The following KIF16B variants were observed in gnomAD, a reference collection of about 807,000 sequenced individuals.
KIF16B encodes the protein kinesin family member 16B, also known as kinesin-like protein KIF16B.
In KIF16B, 98 loss-of-function variants were observed where a neutral mutation model predicts 156.3. The observed-to-expected ratio is 0.63, with a 90% CI of 0.53 to 0.74. The LOEUF is 0.74. KIF16B is among the 30% of genes least tolerant of loss of function. The probability of loss-of-function intolerance (pLI) is 0.00; values close to 1 mark genes in which losing one functional copy is unlikely to be tolerated. For missense variants in KIF16B, 1,421 were observed against 1,606.5 expected (o/e 0.88, Z 1.97); for synonymous variants, 564 against 583.7 (o/e 0.97, Z 0.49).
At chr20:16,295,336 G>A (rs1168527340) in intron 25 of KIF16B, among the ~76,000 whole-genome samples, 1 of 151,944 alleles carries the variant, frequency 6.6e-6, no homozygotes, top group Non-Finnish European at 1.5e-5. Context: ...TTACAACAGT[G>A]AATTAATATT....
intron 1 of KIF16B, among the ~76,000 whole-genome samples, chr20:16,542,447 C>T (rs2070239771): frequency 6.6e-6 from 1 of 152,118 alleles, no homozygotes; most frequent in African/African-American, 2.4e-5. Flanking sequence ...CAAAATAATA[C>T]TCTATCATTT....
intron 4 of KIF16B, among the ~76,000 whole-genome samples, chr20:16,513,425 G>A (rs916043896): frequency 1.3e-5 from 2 of 151,990 alleles, no homozygotes; most frequent in African/African-American, 4.8e-5. Flanking sequence ...TTGGGAGGCC[G>A]AGGCGGGTGG....
chr20:16,372,786 C>T lies in KIF16B; in HGVS notation c.3351-1025G>A, dbSNP rs542708309. Among the ~76,000 whole-genome samples, 4 of 152,330 alleles carry T rather than the reference C, an allele frequency of 2.6e-5. No homozygotes were observed. The East Asian group carries it at 7.7e-4, about 29-fold the overall frequency. On this transcript the variant is annotated intron_variant, in intron 20 of 25. Transcript: ENST00000354981. ...GATCTTGGCTCACTGCAACCTCCGC[C>T]TCCTGGGTTCAAGTGAGTCTCCTGC...
chr20:16,522,665 C>T (rs887086451), intron 3 of KIF16B, among the ~76,000 whole-genome samples: 17 of 152,164 alleles, frequency 1.1e-4, no homozygotes, highest in African/African-American at 3.6e-4. Flanking sequence ...CTGGACCAAA[C>T]GGACCTAATA....
intron 15 of KIF16B, among the ~76,000 whole-genome samples, chr20:16,423,143 AT>A (rs1316520713): frequency 6.6e-6 from 1 of 152,118 alleles, no homozygotes. Flanking sequence ...GTTATAATAA[AT>A]GGCATACCAA....
intron 24 of KIF16B, among the ~76,000 whole-genome samples, chr20:16,314,791 C>T (rs1334254290): frequency 6.6e-6 from 1 of 152,118 alleles, no homozygotes; most frequent in African/African-American, 2.4e-5. Flanking sequence ...CACTGGGAAG[C>T]CGTAGTGACA....
intron 1 of KIF16B, among the ~76,000 whole-genome samples, chr20:16,562,995 T>C (rs2071121596): frequency 6.6e-6 from 1 of 152,210 alleles, no homozygotes; most frequent in African/African-American, 2.4e-5. Flanking sequence ...GTGACCAAAT[T>C]ACTGATCAAC....
intron 25 of KIF16B, among the ~76,000 whole-genome samples, chr20:16,278,503 T>C (rs1601472589): frequency 1.3e-5 from 2 of 152,206 alleles, no homozygotes; most frequent in Non-Finnish European, 2.9e-5. Flanking sequence ...AGTGCTGACA[T>C]AGAGTACCTC....
intron 25 of KIF16B, among the ~76,000 whole-genome samples, chr20:16,293,020 C>T (rs6043875): frequency 0.67 from 101,398 of 151,994 alleles, 34,538 homozygotes; most frequent in East Asian, 0.99. Context: ...AGCAAGACAA[C>T]GACAGAGATA....
chr20:16,378,207 A>G (rs1308617971), intron 19 of KIF16B, among the ~76,000 whole-genome samples: 1 of 152,144 alleles, frequency 6.6e-6, no homozygotes, highest in South Asian at 2.1e-4. Flanking sequence ...ATGTGAAATC[A>G]TTAGTAAGAA....
chr20:16,506,224 T>G (rs574064192), intron 7 of KIF16B, 34 bp from the exon 8 acceptor site: 2 of 1,563,632 alleles, frequency 1.3e-6, no homozygotes, highest in South Asian at 2.2e-5. Flanking sequence ...ATTGAAGAGG[T>G]GCAAAGGGCC....
chr20:16,312,385 A>T lies in KIF16B; in HGVS notation c.3745T>A (p.Phe1249Ile), dbSNP rs1445407729. The T allele has an allele frequency of 6.2e-7, 1 of 1,613,494 alleles. No individual in the cohort carries two copies. The stretch of plus-strand genomic sequence containing the variant: ...ATCACACGTTCATCCTTATTTCCAA[A>T]TAGTTTCTTTGGAGGAAATTCAAGG... The part of the protein sequence containing the change: ...AALEFPPKKL[F>I]GNKDERVIAE... The change falls in exon 25 of 26, where the codon TTT (phenylalanine) becomes ATT (isoleucine). Residue 1249 changes from phenylalanine (F) to isoleucine (I), a missense_variant. By Grantham distance (21) the Phe-to-Ile change is conservative. Transcript: ENST00000354981.
chr20:16,275,055 C>CTT (rs4052896), intron 25 of KIF16B, among the ~76,000 whole-genome samples: 1,804 of 140,416 alleles, frequency 0.013, 62 homozygotes, highest in African/African-American at 0.044. Flanking sequence ...ATAAATTGTA[C>CTT]TTTTTTTTTT....
At chr20:16,383,452 G>T (rs927756446) in intron 17 of KIF16B, among the ~76,000 whole-genome samples, 2 of 152,060 alleles carry the variant, frequency 1.3e-5, no homozygotes, top group African/African-American at 4.8e-5. Flanking sequence ...CTGTTAGATA[G>T]CAATATATTT....
chr20:16,453,467 T>C (rs1441266928), intron 12 of KIF16B, among the ~76,000 whole-genome samples: 1 of 152,030 alleles, frequency 6.6e-6, no homozygotes, highest in Non-Finnish European at 1.5e-5. Context: ...AAATACAAAC[T>C]TCTACATGAT....
intron 3 of KIF16B, among the ~76,000 whole-genome samples, chr20:16,523,795 G>C (rs1209397282): frequency 6.6e-6 from 1 of 152,072 alleles, no homozygotes; most frequent in Non-Finnish European, 1.5e-5. Context: ...ATACTACAAG[G>C]CTACAGTAAC....
chr20:16,393,787 T>C (rs532191537), intron 17 of KIF16B, among the ~76,000 whole-genome samples: 2 of 152,272 alleles, frequency 1.3e-5, no homozygotes, highest in Non-Finnish European at 2.9e-5. Context: ...TTGGACTGAG[T>C]TTGGTAAATC....
chr20:16,431,242 C>T (rs961003308), intron 12 of KIF16B, among the ~76,000 whole-genome samples: 1 of 152,170 alleles, frequency 6.6e-6, no homozygotes. Context: ...GATATACACT[C>T]AATTCAGCAG....
chr20:16,478,506 T>C (rs2067882334), intron 12 of KIF16B, among the ~76,000 whole-genome samples: 1 of 152,200 alleles, frequency 6.6e-6, no homozygotes, highest in Admixed American at 6.5e-5. Context: ...TGGAAAATTC[T>C]AGGCAGAAAC....
Sources: gnomAD v4.1 joint callset for allele counts (sites outside exome capture counted in the v4.1 genomes callset) on GRCh38, gnomAD v4.1.1 for gene constraint, MANE v1.5 for transcripts, NCBI Gene and HGNC (gene_info 2026-07-23, HGNC 2026-07-21) for gene names.